ADAM19: variants seen among roughly 807,000 people sequenced by gnomAD.
The protein encoded by ADAM19 is disintegrin and metalloproteinase domain-containing protein 19.
ADAM19 carries 65 observed loss-of-function variants against 114.7 expected under a neutral mutation model. The ratio of observed to expected loss-of-function variants is 0.57; its 90% confidence interval spans 0.46 to 0.70. ADAM19 has a LOEUF of 0.70. Ranked by LOEUF, ADAM19 falls within the 30% of genes least tolerant of loss-of-function variation. The pLI is 0.00. For missense variants in ADAM19, 1,063 were observed against 1,204.7 expected, an observed-to-expected ratio of 0.88 and a Z score of 1.74; for synonymous variants, 466 against 460.5, an observed-to-expected ratio of 1.01 and a Z score of -0.15.
intron 21 of ADAM19, among the ~76,000 whole-genome samples, chr5:157,482,645 T>C (rs1464299580): frequency 6.6e-6 from 1 of 152,186 alleles, no homozygotes; most frequent in Non-Finnish European, 1.5e-5. Flanking sequence ...CCCAGCACCA[T>C]TATTAAATAG....
chr5:157,572,403 A>T (rs1757856380), intron 1 of ADAM19: 1 of 382,032 alleles, frequency 2.6e-6, no homozygotes. Flanking sequence ...ACACCTAAAC[A>T]GACTGGTCTC....
intron 3 of ADAM19, among the ~76,000 whole-genome samples, chr5:157,560,192 A>G (rs7729116): frequency 0.32 from 46,565 of 144,236 alleles, 8,332 homozygotes; most frequent in African/African-American, 0.48. Flanking sequence ...GTGAACCCGG[A>G]AGGCGGAGCT....
In ADAM19 at chr5:157,480,745, C is replaced by T; in HGVS notation, c.*204G>A. 3 of 1,423,618 alleles carry T rather than the reference C, an allele frequency of 2.1e-6. No homozygotes were observed. The highest frequency in any genetic ancestry group is 2.7e-6 in the Non-Finnish European group (3 of 1,093,352). The allele number at this position is 1,423,618 out of a possible 1,614,324, so 88.2% of individuals were successfully genotyped here. ...TATTGCACAAAACAACACCTAGAGG[C>T]CATCAGATCATAGTCCCTCTGGGCT... On this transcript the variant is annotated 3_prime_UTR_variant, in exon 23 of 23. Coordinates refer to ENST00000257527, the MANE Select transcript of ADAM19 (RefSeq NM_033274.5).
chr5:157,514,912 T>C (rs1756047941), intron 7 of ADAM19, among the ~76,000 whole-genome samples: 2 of 152,240 alleles, frequency 1.3e-5, no homozygotes, highest in South Asian at 4.1e-4. Flanking sequence ...AGGTACCCAC[T>C]ATACATGTTA....
At chr5:157,524,227 T>C (rs1249218624) in intron 5 of ADAM19, among the ~76,000 whole-genome samples, 4 of 152,230 alleles carry the variant, frequency 2.6e-5, no homozygotes, top group African/African-American at 9.6e-5. Context: ...CCTTGGTTGA[T>C]CTAATTTGCT....
chr5:157,510,365 T>C (rs1051751249), intron 8 of ADAM19, among the ~76,000 whole-genome samples: 2 of 152,124 alleles, frequency 1.3e-5, no homozygotes, highest in Non-Finnish European at 2.9e-5. Flanking sequence ...TCCCAGCTAC[T>C]CAGGAGGCTG....
At chr5:157,550,989 C>T (rs1009013698) in intron 3 of ADAM19, among the ~76,000 whole-genome samples, 1 of 152,118 alleles carries the variant, frequency 6.6e-6, no homozygotes, top group African/African-American at 2.4e-5. Flanking sequence ...ATCACACAGC[C>T]ACGAAAATGA....
intron 5 of ADAM19, among the ~76,000 whole-genome samples, chr5:157,523,440 T>C (rs1045616004): frequency 1.2e-4 from 18 of 152,298 alleles, no homozygotes; most frequent in African/African-American, 4.1e-4. Flanking sequence ...CATGAATGGC[T>C]TGGTGCATCC....
At chr5:157,551,644 G>C (rs1255053728) in intron 3 of ADAM19, among the ~76,000 whole-genome samples, 9 of 151,762 alleles carry the variant, frequency 5.9e-5, no homozygotes, top group African/African-American at 2.2e-4. Flanking sequence ...CCCAAACAAT[G>C]GGAGAAAATA....
chr5:157,485,155 C>T (rs1342001875), intron 21 of ADAM19, among the ~76,000 whole-genome samples: 2 of 152,346 alleles, frequency 1.3e-5, no homozygotes, highest in East Asian at 1.9e-4. Context: ...TTCTCTTCTG[C>T]ACATTTCTCA....
chr5:157,544,272 A>G (rs886858895), intron 3 of ADAM19, among the ~76,000 whole-genome samples: 4 of 152,222 alleles, frequency 2.6e-5, no homozygotes, highest in Non-Finnish European at 5.9e-5. Context: ...GCCATCCAGA[A>G]GCCTGGCAAA....
intron 9 of ADAM19, among the ~76,000 whole-genome samples, chr5:157,508,346 C>A (rs1202475885): frequency 6.6e-6 from 1 of 152,216 alleles, no homozygotes; most frequent in Non-Finnish European, 1.5e-5. Context: ...GTGTGGCTCA[C>A]GCCTATAATC....
In ADAM19 at chr5:157,497,099, G is replaced by A; in HGVS notation, c.1399-10C>T. 3 of 1,499,434 alleles carry A rather than the reference G, an allele frequency of 2.0e-6. No individual in the cohort carries two copies. Among genetic ancestry groups the A allele is most frequent in the Middle Eastern group, 1.7e-4 (1 of 5,724 alleles). 92.9% of individuals were successfully genotyped at this position (1,499,434 alleles called of 1,614,324 possible). On this transcript the variant is annotated splice_polypyrimidine_tract_variant and intron_variant, in intron 13 of 22. Coordinates refer to ENST00000257527, the MANE Select transcript of ADAM19 (RefSeq NM_033274.5). Reference sequence around the variant, plus strand: ...TCCCAGGAGCCAACAGCTGAGCCAAGGAATGAGAGGAAAACACAGTCAATC... The same window carrying A: ...TCCCAGGAGCCAACAGCTGAGCCAAAGAATGAGAGGAAAACACAGTCAATC...
intron 7 of ADAM19, among the ~76,000 whole-genome samples, chr5:157,516,524 G>A (rs970399121): frequency 6.6e-6 from 1 of 152,174 alleles, no homozygotes; most frequent in East Asian, 1.9e-4. Context: ...CACCCAGTGG[G>A]TTTGAAAGCC....
chr5:157,567,471 A>C (rs1235605991), intron 2 of ADAM19, among the ~76,000 whole-genome samples: 1 of 152,194 alleles, frequency 6.6e-6, no homozygotes, highest in East Asian at 1.9e-4. Context: ...CACACTGAGC[A>C]TCAGGGACCC....
rs565439457 is a variant in ADAM19, at chr5:157,507,598, A to C, written c.906-458T>G. On this transcript the variant is annotated intron_variant, in intron 9 of 22. Coordinates refer to ENST00000257527, the MANE Select transcript of ADAM19 (RefSeq NM_033274.5). ...CTCTGTGGTGTGAGTCCCACAGGGT[A>C]GGGGTGGGGGCATCGGGGCAGCAGC... is the stretch of plus-strand genomic sequence containing the variant. 6.6e-5 allele frequency among the ~76,000 whole-genome samples: 10 copies of C among 152,278 alleles called. No individual in the cohort carries two copies. The East Asian group carries it at 1.9e-3, about 29-fold the overall frequency.
chr5:157,478,782 A>C lies in ADAM19; in HGVS notation c.*2167T>G. ...AATAATAAAACAAAACAAAACAAAA[A>C]GCAAGAAAACGACAACCCAGGTCTC... On this transcript the variant is annotated 3_prime_UTR_variant, in exon 23 of 23. Coordinates refer to ENST00000257527, the MANE Select transcript of ADAM19 (RefSeq NM_033274.5). 1 of 985,902 alleles carries C rather than the reference A, an allele frequency of 1.0e-6. No individual in the cohort carries two copies. The highest frequency in any genetic ancestry group is 1.2e-6 in the Non-Finnish European group (1 of 829,948). 61.1% of individuals were successfully genotyped at this position (985,902 alleles called of 1,614,324 possible).
chr5:157,489,914 G>T lies in ADAM19; in HGVS notation c.2240+396C>A, dbSNP rs147820542. 2.6e-3 allele frequency among the ~76,000 whole-genome samples: 392 copies of T among 152,370 alleles called. 2 individuals are homozygous for T. Among genetic ancestry groups the T allele is most frequent in the African/African-American group, 8.8e-3 (364 of 41,584 alleles). Reference sequence around the variant, plus strand: ...AGGCAGGAGAATCGCTTGAACTCAGGAGGCGGAGGCTGCAGTGAGCCAAGA... The same window carrying T: ...AGGCAGGAGAATCGCTTGAACTCAGTAGGCGGAGGCTGCAGTGAGCCAAGA... On this transcript the variant is annotated intron_variant, in intron 19 of 22. Transcript: ENST00000257527.
At chr5:157,527,924 C>A (rs1480339758) in intron 5 of ADAM19, among the ~76,000 whole-genome samples, 1 of 152,106 alleles carries the variant, frequency 6.6e-6, no homozygotes, top group African/African-American at 2.4e-5. Flanking sequence ...GGCCTAGCAA[C>A]CACCTAGAAG....
Sources: gnomAD v4.1 joint callset for allele counts (sites outside exome capture counted in the v4.1 genomes callset) on GRCh38, gnomAD v4.1.1 for gene constraint, MANE v1.5 for transcripts, NCBI Gene and HGNC (gene_info 2026-07-23, HGNC 2026-07-21) for gene names.